The following CLYBL variants were observed in gnomAD, a reference collection of about 807,000 sequenced individuals.
The protein encoded by CLYBL is citramalyl-CoA lyase, also known as citramalyl-CoA lyase, mitochondrial.
Under a neutral mutation model 38.9 loss-of-function variants are expected in CLYBL, and 31 were observed. The observed-to-expected ratio is 0.80, with a 90% confidence interval of 0.60 to 1.08. The LOEUF (loss-of-function observed/expected upper bound fraction) is 1.08, where lower values mean the gene tolerates loss of function less well. Among genes scored for constraint, CLYBL ranks in the 50% least tolerant of loss-of-function variants. The pLI is 0.00. For synonymous variants in CLYBL, 171 were observed against 158.6 expected, an observed-to-expected ratio of 1.08 and a Z score of -0.59; for missense variants, 434 against 411.6, an observed-to-expected ratio of 1.05 and a Z score of -0.47.
At chr13:99,660,805 C>A (rs957123755) in intron 1 of CLYBL, among the ~76,000 whole-genome samples, 1 of 151,956 alleles carries the variant, frequency 6.6e-6, no homozygotes, top group Non-Finnish European at 1.5e-5. Context: ...TTCTTTCAAT[C>A]ACAGGCAAGG....
At chr13:99,706,378 C>G (rs1333511118) in intron 1 of CLYBL, among the ~76,000 whole-genome samples, 1 of 152,228 alleles carries the variant, frequency 6.6e-6, no homozygotes, top group African/African-American at 2.4e-5. Context: ...CTTCCACCCT[C>G]CAGGACACTC....
At chr13:99,635,292 T>C (rs1394739495) in intron 1 of CLYBL, among the ~76,000 whole-genome samples, 1 of 152,146 alleles carries the variant, frequency 6.6e-6, no homozygotes, top group African/African-American at 2.4e-5. Context: ...ATGATTTTTA[T>C]AATCTGCACC....
chr13:99,711,552 A>G (rs1594132976), intron 1 of CLYBL, among the ~76,000 whole-genome samples: 1 of 145,576 alleles, frequency 6.9e-6, no homozygotes, highest in Non-Finnish European at 1.5e-5. Flanking sequence ...GATTACAGGC[A>G]TGCACCACCA....
At chr13:99,713,300 T>C (rs1260669200) in intron 1 of CLYBL, among the ~76,000 whole-genome samples, 1 of 151,792 alleles carries the variant, frequency 6.6e-6, no homozygotes, top group Non-Finnish European at 1.5e-5. Context: ...TTATGTGTTT[T>C]AGTTCTAGGA....
At chr13:99,621,515 C>CCTCCT (rs2046796664) in intron 1 of CLYBL, among the ~76,000 whole-genome samples, 1 of 152,316 alleles carries the variant, frequency 6.6e-6, no homozygotes, top group African/African-American at 2.4e-5. Flanking sequence ...GTCTTTGATG[C>CCTCCT]CTCCTCTCCT....
At chr13:99,819,086 C>G (rs2050520037) in intron 2 of CLYBL, among the ~76,000 whole-genome samples, 1 of 152,016 alleles carries the variant, frequency 6.6e-6, no homozygotes, top group African/African-American at 2.4e-5. Flanking sequence ...TGGCTCACAC[C>G]TGTAATTCCA....
chr13:99,888,450 TA>T (rs1294454856), intron 7 of CLYBL, among the ~76,000 whole-genome samples: 1 of 152,054 alleles, frequency 6.6e-6, no homozygotes, highest in Non-Finnish European at 1.5e-5. Flanking sequence ...GCATGGGTGT[TA>T]AAAAATTTAA....
intron 1 of CLYBL, among the ~76,000 whole-genome samples, chr13:99,699,769 A>G (rs1263208534): frequency 5.9e-5 from 9 of 151,418 alleles, no homozygotes; most frequent in Non-Finnish European, 1.3e-4. Flanking sequence ...CAAGGTGGGC[A>G]GATCACAAGG....
chr13:99,883,762 A>G (rs1015198840), intron 7 of CLYBL, among the ~76,000 whole-genome samples: 1 of 151,974 alleles, frequency 6.6e-6, no homozygotes, highest in Non-Finnish European at 1.5e-5. Context: ...CTCCATGCAC[A>G]CTTCTCTGTG....
At chr13:99,660,597 A>C (rs2047395199) in intron 1 of CLYBL, among the ~76,000 whole-genome samples, 1 of 152,096 alleles carries the variant, frequency 6.6e-6, no homozygotes, top group African/African-American at 2.4e-5. Flanking sequence ...TTGATTCACT[A>C]ACTCCCCCAA....
intron 1 of CLYBL, among the ~76,000 whole-genome samples, chr13:99,764,551 T>C (rs189660046): frequency 2.0e-5 from 3 of 152,344 alleles, no homozygotes; most frequent in African/African-American, 7.2e-5. Flanking sequence ...TAGTCTCTAA[T>C]GATTCTTTGT....
chr13:99,890,167 T>C (rs2052452544), intron 7 of CLYBL, among the ~76,000 whole-genome samples: 1 of 152,212 alleles, frequency 6.6e-6, no homozygotes, highest in Non-Finnish European at 1.5e-5. Flanking sequence ...CTTCTTAATG[T>C]GGGGATCTCT....
chr13:99,904,992 A>G (rs1415790601), intron 8 of CLYBL, among the ~76,000 whole-genome samples: 1 of 127,838 alleles, frequency 7.8e-6, no homozygotes, highest in Non-Finnish European at 1.7e-5. Flanking sequence ...CACCTCCCCC[A>G]CCTTTTCTGC....
intron 1 of CLYBL, among the ~76,000 whole-genome samples, chr13:99,751,852 T>A (rs2048964740): frequency 6.6e-6 from 1 of 152,204 alleles, no homozygotes; most frequent in Admixed American, 6.5e-5. Flanking sequence ...ACAAAAATAG[T>A]AGTGTTTCAC....
At chr13:99,857,021 T>G (rs1169322779) in intron 2 of CLYBL, among the ~76,000 whole-genome samples, 1 of 151,892 alleles carries the variant, frequency 6.6e-6, no homozygotes, top group East Asian at 2.0e-4. Context: ...CCTTTAAGAT[T>G]TTCGTATTTA....
intron 1 of CLYBL, among the ~76,000 whole-genome samples, chr13:99,707,594 C>T (rs1344644422): frequency 6.6e-6 from 1 of 152,110 alleles, no homozygotes; most frequent in East Asian, 1.9e-4. Context: ...TTCGAATGAA[C>T]ATTTACAATG....
At chr13:99,883,370 T>C (rs1335412791) in intron 7 of CLYBL, among the ~76,000 whole-genome samples, 1 of 151,756 alleles carries the variant, frequency 6.6e-6, no homozygotes, top group Non-Finnish European at 1.5e-5. Context: ...AATACAAAAA[T>C]TAGCTGGGTG....
intron 1 of CLYBL, among the ~76,000 whole-genome samples, chr13:99,695,233 G>T (rs1193844076): frequency 1.3e-5 from 2 of 152,298 alleles, no homozygotes; most frequent in Non-Finnish European, 2.9e-5. Flanking sequence ...TGGGGGATCA[G>T]TTCCTTTTAT....
chr13:99,742,909 T>G (rs990758152), intron 1 of CLYBL, among the ~76,000 whole-genome samples: 2 of 152,194 alleles, frequency 1.3e-5, no homozygotes, highest in African/African-American at 4.8e-5. Flanking sequence ...CTGTGTTTAT[T>G]TCATTTGGTG....
Sources: gnomAD v4.1 joint callset for allele counts (sites outside exome capture counted in the v4.1 genomes callset) on GRCh38, gnomAD v4.1.1 for gene constraint, MANE v1.5 for transcripts, NCBI Gene and HGNC (gene_info 2026-07-23, HGNC 2026-07-21) for gene names.